Variants in PRKDC observed in about 807,000 individuals in gnomAD.
PRKDC encodes the protein DNA-dependent protein kinase catalytic subunit.
A neutral mutation model predicts 486.9 loss-of-function variants in PRKDC; 82 were observed. That is an observed-to-expected ratio of 0.17 (90% CI 0.14 to 0.20). PRKDC has a LOEUF of 0.20. Among genes scored for constraint, PRKDC ranks in the 10% least tolerant of loss-of-function variants. The probability of loss-of-function intolerance (pLI) is 1.00; values close to 1 mark genes in which losing one functional copy is unlikely to be tolerated. For synonymous variants in PRKDC, 1,895 were observed against 1,837.0 expected, an observed-to-expected ratio of 1.03 and a Z score of -0.81; for missense variants, 4,504 against 5,038.2, an observed-to-expected ratio of 0.89 and a Z score of 3.21.
At chr8:47,779,686 T>G (rs1400449408) in intron 80 of PRKDC, among the ~76,000 whole-genome samples, 1 of 152,020 alleles carries the variant, frequency 6.6e-6, no homozygotes, top group African/African-American at 2.4e-5. Flanking sequence ...GCCTCATGGA[T>G]TCAAGTGATT....
At chr8:47,812,549 C>T (rs2087351602) in intron 68 of PRKDC, among the ~76,000 whole-genome samples, 2 of 152,070 alleles carry the variant, frequency 1.3e-5, no homozygotes, top group Non-Finnish European at 2.9e-5. Context: ...TAGAAAAATA[C>T]GTTGAACTGA....
intron 50 of PRKDC, 98 bp from the exon 51 acceptor site, chr8:47,854,312 T>A: frequency 7.2e-7 from 1 of 1,393,958 alleles, no homozygotes; most frequent in Non-Finnish European, 9.9e-7. Context: ...AGACAGAGTC[T>A]GACTCTCGCC....
rs187753157 is a variant in PRKDC, at chr8:47,854,591, C to T, written c.6762-377G>A. On this transcript the variant is annotated intron_variant, in intron 50 of 85. Coordinates refer to ENST00000314191, the MANE Select transcript of PRKDC (RefSeq NM_006904.7). ...TCCTGACCTCGTAATCCGCCCGCCT[C>T]GGCCTCCCAAAGAGCCGGGATTAAG... 5.1e-4 allele frequency among the ~76,000 whole-genome samples: 78 copies of T among 152,104 alleles called. No individual in the cohort carries two copies. In the East Asian group the frequency reaches 8.3e-3, roughly 16 times the overall value.
At chr8:47,793,932 T>G in intron 74 of PRKDC, among the ~76,000 whole-genome samples, 1 of 152,188 alleles carries the variant, frequency 6.6e-6, no homozygotes, top group Non-Finnish European at 1.5e-5. Flanking sequence ...AGGATGACAC[T>G]TGAGGCCATC....
chr8:47,811,743 G>C (rs1386980455), intron 68 of PRKDC, among the ~76,000 whole-genome samples: 1 of 152,202 alleles, frequency 6.6e-6, no homozygotes, highest in Non-Finnish European at 1.5e-5. Flanking sequence ...TTGGAAGGCT[G>C]AGGTGGGTGG....
Position 47,794,388 on chromosome 8 carries a change from G to C in PRKDC, c.10572C>G (p.Asn3524Lys). The change falls in exon 74 of 86, where the codon AAC becomes AAG. Residue 3524 changes from asparagine (N) to lysine (K), a missense_variant. Physicochemically the swap from Asn to Lys is moderately conservative, Grantham distance 94. Around this residue, in one of 6 missense-constraint regions of PRKDC, gnomAD observed 706 missense variants for 945.0 expected, o/e 0.75. Coordinates refer to ENST00000314191, the MANE Select transcript of PRKDC (RefSeq NM_006904.7). The stretch of plus-strand genomic sequence containing the variant: ...AGGGATAAACAATAGCCTGCGGGTA[G>C]TTATCAGTGATTTCTTCCACAGAGT... ...VQHSVEEITD[N>K]YPQAIVYPFI... is the part of the protein sequence containing the mutation. The C allele has an allele frequency of 6.2e-7, 1 of 1,613,884 alleles. No homozygotes were observed. Among genetic ancestry groups the C allele is most frequent in the South Asian group, 1.1e-5 (1 of 91,082 alleles).
chr8:47,806,040 T>C (rs1379681919), intron 69 of PRKDC, among the ~76,000 whole-genome samples: 3 of 152,176 alleles, frequency 2.0e-5, no homozygotes, highest in Non-Finnish European at 4.4e-5. Context: ...GCAAACCCAG[T>C]GCCATCCCAT....
At chr8:47,904,385 G>C (rs1446924027) in intron 26 of PRKDC, among the ~76,000 whole-genome samples, 2 of 152,208 alleles carry the variant, frequency 1.3e-5, no homozygotes, top group Non-Finnish European at 2.9e-5. Context: ...CACCTGGCGA[G>C]CTGGCACTAC....
intron 7 of PRKDC, among the ~76,000 whole-genome samples, chr8:47,948,881 G>A (rs759676825): frequency 2.0e-5 from 3 of 152,228 alleles, no homozygotes; most frequent in Non-Finnish European, 4.4e-5. Flanking sequence ...TCCCAGACTT[G>A]CCATTTGTTA....
At chr8:47,857,909 C>T (rs1444564784) in intron 48 of PRKDC, among the ~76,000 whole-genome samples, 1 of 152,122 alleles carries the variant, frequency 6.6e-6, no homozygotes, top group African/African-American at 2.4e-5. Context: ...ATGAGCCCAA[C>T]CCTCTGCATA....
chr8:47,878,121 T>G (rs79978974), intron 39 of PRKDC, among the ~76,000 whole-genome samples: 4 of 149,346 alleles, frequency 2.7e-5, no homozygotes. Context: ...TTTTTTTTTT[T>G]GGAGACACAG....
At chr8:47,814,334 T>C (rs933803620) in intron 68 of PRKDC, among the ~76,000 whole-genome samples, 1 of 152,198 alleles carries the variant, frequency 6.6e-6, no homozygotes, top group East Asian at 1.9e-4. Flanking sequence ...TTAGCACGTA[T>C]ATTCAAGATT....
intron 44 of PRKDC, 84 bp downstream of exon 44, chr8:47,861,978 T>C (rs987759736): frequency 5.4e-6 from 6 of 1,116,790 alleles, no homozygotes; most frequent in African/African-American, 4.7e-5. Flanking sequence ...GACTTGAATA[T>C]TGGCAACTTA....
chr8:47,835,438 G>A (rs2087992983), intron 58 of PRKDC, among the ~76,000 whole-genome samples: 1 of 151,746 alleles, frequency 6.6e-6, no homozygotes, highest in Non-Finnish European at 1.5e-5. Context: ...CCAATGTGGT[G>A]AAATCCCATC....
intron 40 of PRKDC, among the ~76,000 whole-genome samples, chr8:47,869,584 A>G (rs1010724327): frequency 6.6e-6 from 1 of 151,932 alleles, no homozygotes; most frequent in Non-Finnish European, 1.5e-5. Context: ...AGTGTGACCC[A>G]GCACATTCCC....
At chr8:47,888,954 A>AT (rs1167745524) in intron 33 of PRKDC, 60 bp downstream of exon 33, 4 of 1,521,972 alleles carry the variant, frequency 2.6e-6, no homozygotes, top group Non-Finnish European at 3.6e-6. Context: ...GGAGCACGGC[A>AT]ACATACTAGG....
intron 13 of PRKDC, among the ~76,000 whole-genome samples, 199 bp from the exon 14 acceptor site, chr8:47,935,257 T>G (rs2090329026): frequency 1.3e-5 from 2 of 152,128 alleles, no homozygotes; most frequent in South Asian, 4.1e-4. Context: ...ATCCCAGCAC[T>G]TTGGGAGGCT....
intron 7 of PRKDC, among the ~76,000 whole-genome samples, chr8:47,949,995 G>C (rs2154504427): frequency 6.6e-6 from 1 of 152,340 alleles, no homozygotes; most frequent in South Asian, 2.1e-4. Flanking sequence ...AGGAGGCCAG[G>C]GGTGGTGGCT....
Position 47,953,608 on chromosome 8 carries a change from G to C in PRKDC, c.721+12C>G. The C allele has an allele frequency of 1.2e-6, 2 of 1,603,790 alleles. No individual in the cohort carries two copies. Among genetic ancestry groups the C allele is most frequent in the Non-Finnish European group, 1.7e-6 (2 of 1,173,092 alleles). ...TTTTGAATAAAGAAAATCAAGTGAA[G>C]CCAAGCAATACCTTCTTCCATGGAC... On this transcript the variant is annotated intron_variant, in intron 7 of 85. Transcript: ENST00000314191.
Sources: gnomAD v4.1 joint callset for allele counts (sites outside exome capture counted in the v4.1 genomes callset) on GRCh38, gnomAD v4.1.1 for gene constraint, gnomAD v4.1.1 regional missense constraint, MANE v1.5 for transcripts, NCBI Gene and HGNC (gene_info 2026-07-23, HGNC 2026-07-21) for gene names.